DAB1: variants seen among roughly 807,000 people sequenced by gnomAD.
The protein encoded by DAB1 is disabled homolog 1.
A neutral mutation model predicts 64.6 loss-of-function variants in DAB1; 15 were observed. That is an observed-to-expected ratio of 0.23 (90% CI 0.16 to 0.36). DAB1 has a LOEUF of 0.36. DAB1 is among the 10% of genes least tolerant of loss of function. DAB1 has a pLI of 1.00. For synonymous variants in DAB1, 235 were observed against 251.9 expected (o/e 0.93, Z 0.64); for missense variants, 596 against 706.7 (o/e 0.84, Z 1.78).
chr1:57,497,861 T>G (rs1479484909), intron 7 of DAB1, among the ~76,000 whole-genome samples: 1 of 152,152 alleles, frequency 6.6e-6, no homozygotes, highest in Non-Finnish European at 1.5e-5. Context: ...ATCAGAGATG[T>G]GATATAATTA....
rs376313817 is a variant in DAB1, at chr1:57,446,554, C to T, written n.626-155388G>A. On this transcript the variant is annotated intron_variant and non_coding_transcript_variant, in intron 7 of 20. Transcript: ENST00000485760. Reference sequence around the variant, plus strand: ...TGGAGGTTGCAGTGAGCCGAGATCGCGCCATTGCACTCCAGCCTGAGCAAC... The same window carrying T: ...TGGAGGTTGCAGTGAGCCGAGATCGTGCCATTGCACTCCAGCCTGAGCAAC... 4.2e-4 allele frequency among the ~76,000 whole-genome samples: 63 copies of T among 148,522 alleles called. 1 individual carries two copies. Among genetic ancestry groups the T allele is most frequent in the South Asian group, 4.0e-3 (19 of 4,714 alleles).
chr1:57,238,064 GT>G (rs1051217912), intron 2 of DAB1, among the ~76,000 whole-genome samples: 4 of 152,184 alleles, frequency 2.6e-5, no homozygotes, highest in Non-Finnish European at 4.4e-5. Context: ...CCTTGGCTCT[GT>G]GGTCTTTAGG....
chr1:58,328,257 C>T (rs1662883150), intron 4 of DAB1, among the ~76,000 whole-genome samples: 1 of 152,226 alleles, frequency 6.6e-6, no homozygotes. Context: ...CCTGCCATCG[C>T]AGCTCCTATT....
At chr1:57,241,377 TTTCTAATTGAGACATTA>T (rs1482664096) in intron 2 of DAB1, among the ~76,000 whole-genome samples, 1 of 152,196 alleles carries the variant, frequency 6.6e-6, no homozygotes, top group Non-Finnish European at 1.5e-5. Flanking sequence ...TATCAGTGTC[TTTCTAATTGAGACATTA>T]TGACCTTAGT....
intron 1 of DAB1, among the ~76,000 whole-genome samples, chr1:57,837,317 C>T (rs1348913755): frequency 2.0e-5 from 3 of 152,166 alleles, no homozygotes; most frequent in Non-Finnish European, 2.9e-5. Flanking sequence ...GCTAGTGAAA[C>T]ATCTCTAACA....
At chr1:58,516,645 G>A (rs936019685) in intron 2 of DAB1, among the ~76,000 whole-genome samples, 12 of 152,304 alleles carry the variant, frequency 7.9e-5, no homozygotes, top group African/African-American at 2.9e-4. Flanking sequence ...CCTAGGGAAA[G>A]TGGGCTGCCT....
chr1:57,984,404 C>T (rs1009178400), intron 5 of DAB1, among the ~76,000 whole-genome samples: 2 of 152,078 alleles, frequency 1.3e-5, no homozygotes, highest in African/African-American at 4.8e-5. Flanking sequence ...TTCTTCACCA[C>T]AGAGCTATTG....
At chr1:57,823,762 G>C (rs1296339546), downstream of DAB1, among the ~76,000 whole-genome samples, 1 of 152,116 alleles carries the variant, frequency 6.6e-6, no homozygotes, top group Non-Finnish European at 1.5e-5. Context: ...CCATTCTCTG[G>C]GAACCGCATG....
chr1:57,863,222 G>A (rs1227513470), intron 1 of DAB1: 1 of 151,936 alleles, frequency 6.6e-6, no homozygotes, highest in African/African-American at 2.4e-5. Flanking sequence ...AAAACTAACT[G>A]GAGTGGTAGA....
At chr1:57,427,856 G>C (rs117339644), upstream of DAB1, among the ~76,000 whole-genome samples, 82 of 152,248 alleles carry the variant, frequency 5.4e-4, 1 homozygote, top group East Asian at 0.012. Context: ...TTGTGCATGT[G>C]ATAAGAACAG....
rs139499737 is a variant in DAB1 at position 58,332,980 on chromosome 1, G to A, written n.309+10372C>T. Reference sequence around the variant, plus strand: ...GGCTGGAGTGCAATGGCACAGTCTCGGCTCACTGCAACCTCTGCTCCCGGG... The same window carrying A: ...GGCTGGAGTGCAATGGCACAGTCTCAGCTCACTGCAACCTCTGCTCCCGGG... On this transcript the variant is annotated intron_variant and non_coding_transcript_variant, in intron 4 of 20. Transcript: ENST00000485760. 8.6e-3 allele frequency among the ~76,000 whole-genome samples: 1,312 copies of A among 152,094 alleles called. 28 individuals are homozygous for A. Among genetic ancestry groups the A allele is most frequent in the African/African-American group, 0.03 (1,264 of 41,486 alleles).
At chr1:57,688,461 T>C (rs2101709360) in intron 6 of DAB1, among the ~76,000 whole-genome samples, 1 of 152,282 alleles carries the variant, frequency 6.6e-6, no homozygotes, top group South Asian at 2.1e-4. Context: ...TTATACACTG[T>C]TGGTGGGAAT....
At chr1:57,334,334 A>T (rs1316092882) in intron 1 of DAB1, among the ~76,000 whole-genome samples, 1 of 152,220 alleles carries the variant, frequency 6.6e-6, no homozygotes, top group East Asian at 1.9e-4. Context: ...TGACTCTGCC[A>T]TGCACTCAGC....
intron 3 of DAB1, among the ~76,000 whole-genome samples, chr1:58,447,802 A>G (rs1645086180): frequency 6.6e-6 from 1 of 151,934 alleles, no homozygotes; most frequent in Non-Finnish European, 1.5e-5. Flanking sequence ...CTAATGCCGT[A>G]TATCAGAATA....
At chr1:57,394,840 C>G (rs1266046206) in intron 1 of DAB1, among the ~76,000 whole-genome samples, 2 of 152,114 alleles carry the variant, frequency 1.3e-5, no homozygotes, top group Non-Finnish European at 2.9e-5. Context: ...CCAAAGGAAA[C>G]CTTTATGGGT....
intron 4 of DAB1, among the ~76,000 whole-genome samples, chr1:58,276,664 G>T (rs1237562956): frequency 2.0e-5 from 3 of 152,174 alleles, no homozygotes; most frequent in Admixed American, 6.5e-5. Flanking sequence ...ACCTGGAAGG[G>T]TCTAGAGTCC....
intron 6 of DAB1, among the ~76,000 whole-genome samples, chr1:57,698,989 G>A (rs1400074991): frequency 6.6e-6 from 1 of 152,146 alleles, no homozygotes; most frequent in African/African-American, 2.4e-5. Context: ...CCAGGCTAGA[G>A]TGCAATGGCA....
intron 7 of DAB1, among the ~76,000 whole-genome samples, chr1:57,532,949 C>T (rs1226765054): frequency 6.6e-6 from 1 of 152,046 alleles, no homozygotes; most frequent in African/African-American, 2.4e-5. Context: ...GCAATATCTA[C>T]CATTATCCCT....
At chr1:58,407,513 T>C (rs941714200) in intron 3 of DAB1, among the ~76,000 whole-genome samples, 5 of 152,142 alleles carry the variant, frequency 3.3e-5, no homozygotes, top group African/African-American at 1.2e-4. Context: ...TATTTTCGGG[T>C]GTCACACCTG....
Sources: gnomAD v4.1 joint callset for allele counts (sites outside exome capture counted in the v4.1 genomes callset) on GRCh38, gnomAD v4.1.1 for gene constraint, MANE v1.5 for transcripts, NCBI Gene and HGNC (gene_info 2026-07-23, HGNC 2026-07-21) for gene names.